Variants in ARHGAP6 observed in about 807,000 individuals in gnomAD.
The protein encoded by ARHGAP6 is Rho GTPase activating protein 6, also known as rho GTPase-activating protein 6.
Under a neutral mutation model 55.7 loss-of-function variants are expected in ARHGAP6, and 16 were observed. The ratio of observed to expected loss-of-function variants is 0.29; its 90% CI spans 0.19 to 0.44. The LOEUF (loss-of-function observed/expected upper bound fraction) is 0.44. Among genes scored for constraint, ARHGAP6 ranks in the 20% least tolerant of loss-of-function variants. The pLI is 1.00. For synonymous variants in ARHGAP6, 382 were observed against 360.9 expected (o/e 1.06, Z -0.66); for missense variants, 698 against 808.9 (o/e 0.86, Z 1.66).
chrX:11,145,750 C>T (rs148720537), intron 10 of ARHGAP6, among the ~76,000 whole-genome samples: 7 of 112,437 alleles, frequency 6.2e-5, no homozygotes, highest in African/African-American at 1.3e-4. Flanking sequence ...GTTTAAAAAG[C>T]GTTAAGCATT....
chrX:11,574,200 AG>A (rs2051567630), intron 1 of ARHGAP6, among the ~76,000 whole-genome samples: 1 of 111,742 alleles, frequency 8.9e-6, no homozygotes, highest in African/African-American at 3.3e-5. Context: ...ATACAAAAAG[AG>A]GGAATCCTCC....
Position 11,344,694 on chromosome X carries a change from A to G in ARHGAP6, c.589-89987T>C, listed in dbSNP as rs182087619. On this transcript the variant is annotated intron_variant, in intron 1 of 12. Transcript: ENST00000337414. ...ACTCCATCACAAAAAAAAAAAAAAA[A>G]AAAAAAAAAAGAAAAGAAAGAAAAG... Among the ~76,000 whole-genome samples the G allele has an allele frequency of 8.5e-3, 865 of 101,261 alleles. 24 individuals are homozygous for G. The highest frequency in any genetic ancestry group is 0.03 in the African/African-American group (805 of 27,098). The allele number at this position is 101,261 out of a possible 115,157, so 87.9% of individuals were successfully genotyped here.
chrX:11,181,470 A>G (rs2046313000), intron 6 of ARHGAP6, among the ~76,000 whole-genome samples: 1 of 112,130 alleles, frequency 8.9e-6, no homozygotes, highest in African/African-American at 3.2e-5. Context: ...TTATGAAGCC[A>G]TCATGAACAC....
intron 1 of ARHGAP6, among the ~76,000 whole-genome samples, chrX:11,486,559 C>G (rs1298837157): frequency 8.9e-6 from 1 of 112,216 alleles, no homozygotes; most frequent in Non-Finnish European, 1.9e-5. Flanking sequence ...ATGCCTTCCT[C>G]CTTTCCCTCC....
chrX:11,572,797 T>TC (rs1177502233), intron 1 of ARHGAP6, among the ~76,000 whole-genome samples: 1 of 111,653 alleles, frequency 9.0e-6, no homozygotes, highest in East Asian at 2.8e-4. Context: ...TAGTTTACAG[T>TC]CCCACCAACA....
chrX:11,173,697 A>G (rs769665105), intron 8 of ARHGAP6, among the ~76,000 whole-genome samples: 2 of 112,342 alleles, frequency 1.8e-5, no homozygotes, highest in South Asian at 3.7e-4. Flanking sequence ...TTGGTCAACA[A>G]TTTTTCTCAT....
chrX:11,632,095 GAATAT>G (rs2052367711), intron 1 of ARHGAP6, among the ~76,000 whole-genome samples: 1 of 111,690 alleles, frequency 9.0e-6, no homozygotes, highest in African/African-American at 3.3e-5. Flanking sequence ...TAAGAGTTAA[GAATAT>G]AATATTTAAT....
At position 11,254,673 on chromosome X, in the gene ARHGAP6, C is replaced by T. The variant is rs2047467682; in HGVS notation, c.623G>A (p.Ser208Asn). ...GATGGGGACTGACCTCAGCCGTACA[C>T]TGCGGCCTGACATGCTGTTCCAGGT... ...DFTWNSMSGR[S>N]VRLRSVPIQS... The change falls in exon 2 of 13, where the codon AGT becomes AAT. Residue 208 changes from serine to asparagine, a missense_variant. By Grantham distance (46) the Ser-to-Asn change is conservative. Coordinates refer to ENST00000337414, the MANE Select transcript of ARHGAP6 (RefSeq NM_013427.3). 5.9e-6 allele frequency: 7 copies of T among 1,193,525 alleles called. No individual in the cohort carries two copies. The highest frequency in any genetic ancestry group is 7.9e-6 in the Non-Finnish European group (7 of 888,750).
At chrX:11,663,709 T>C (rs1397808965) in intron 1 of ARHGAP6, among the ~76,000 whole-genome samples, 1 of 111,708 alleles carries the variant, frequency 9.0e-6, no homozygotes, top group Non-Finnish European at 1.9e-5. Flanking sequence ...TTTCTGAAAT[T>C]GCCCCTTCAG....
At chrX:11,365,438 T>C (rs2049062821) in intron 1 of ARHGAP6, among the ~76,000 whole-genome samples, 1 of 112,476 alleles carries the variant, frequency 8.9e-6, no homozygotes, top group Non-Finnish European at 1.9e-5. Context: ...TTTCTCCCTC[T>C]TGGTTTGTAT....
At chrX:11,365,084 TC>T (rs1333167939) in intron 1 of ARHGAP6, among the ~76,000 whole-genome samples, 2 of 112,005 alleles carry the variant, frequency 1.8e-5, no homozygotes, top group Admixed American at 9.5e-5. Flanking sequence ...CGGGAAAGTC[TC>T]CTGCTATGAA....
At chrX:11,503,653 G>A (rs142718419) in intron 1 of ARHGAP6, among the ~76,000 whole-genome samples, 6 of 111,459 alleles carry the variant, frequency 5.4e-5, no homozygotes, top group East Asian at 2.8e-4. Context: ...CCCAAAGTTC[G>A]ATGGAAACGT....
chrX:11,199,344 G>T (rs1192196805), intron 2 of ARHGAP6, among the ~76,000 whole-genome samples: 1 of 111,849 alleles, frequency 8.9e-6, no homozygotes, highest in Non-Finnish European at 1.9e-5. Context: ...CATCAGTATC[G>T]CCTGGGAACC....
chrX:11,360,439 T>C (rs2048994445), intron 1 of ARHGAP6, among the ~76,000 whole-genome samples: 1 of 109,412 alleles, frequency 9.1e-6, no homozygotes, highest in African/African-American at 3.4e-5. Flanking sequence ...AGAAAAGGCC[T>C]TTGACAAAAT....
chrX:11,639,670 C>G (rs1052544308), intron 1 of ARHGAP6, among the ~76,000 whole-genome samples: 1 of 110,334 alleles, frequency 9.1e-6, no homozygotes, highest in Non-Finnish European at 1.9e-5. Flanking sequence ...TTGTTATATA[C>G]TTTACAGTAT....
At chrX:11,306,260 T>C (rs1411301857) in intron 1 of ARHGAP6, among the ~76,000 whole-genome samples, 2 of 112,377 alleles carry the variant, frequency 1.8e-5, no homozygotes, top group Non-Finnish European at 3.8e-5. Flanking sequence ...GTGCACAGGC[T>C]CAGAGGTTTC....
In ARHGAP6 at chrX:11,500,765, C is replaced by A. The variant is rs762611930; in HGVS notation, c.588+163476G>T. ...AAAAATCATATAAAATAAATCAAGT[C>A]TTTTGGGGGGGAAGGTTATAGAATC... On this transcript the variant is annotated intron_variant, in intron 1 of 12. Coordinates refer to ENST00000337414, the MANE Select transcript of ARHGAP6 (RefSeq NM_013427.3). Among the ~76,000 whole-genome samples, 55 of 107,685 alleles carry A rather than the reference C, an allele frequency of 5.1e-4. No homozygotes were observed. The South Asian group carries it at 0.021, about 41-fold the overall frequency. 93.5% of individuals were successfully genotyped at this position (107,685 alleles called of 115,157 possible). A position where few individuals can be genotyped will look rare whatever the true frequency, so the allele number is the denominator to read the frequency against.
At position 11,236,713 on chromosome X, in the gene ARHGAP6, T is replaced by C. The variant is rs767917577; in HGVS notation, c.748+17835A>G. 2.7e-5 allele frequency among the ~76,000 whole-genome samples: 3 copies of C among 112,799 alleles called. No homozygotes were observed. The Admixed American group carries it at 2.8e-4, about 11-fold the overall frequency. On this transcript the variant is annotated intron_variant, in intron 2 of 12. Transcript: ENST00000337414. ...GGATAGCATTTTGATTTATTCATTT[T>C]ACAATTGAGAGAACTGAAAATCAGA...
intron 2 of ARHGAP6, among the ~76,000 whole-genome samples, chrX:11,247,353 C>T (rs1364484964): frequency 8.9e-6 from 1 of 112,390 alleles, no homozygotes; most frequent in Non-Finnish European, 1.9e-5. Flanking sequence ...CTTATAGAAC[C>T]ATTCAACTGT....
Sources: gnomAD v4.1 joint callset for allele counts (sites outside exome capture counted in the v4.1 genomes callset) on GRCh38, gnomAD v4.1.1 for gene constraint, MANE v1.5 for transcripts, NCBI Gene and HGNC (gene_info 2026-07-23, HGNC 2026-07-21) for gene names.